GSG1L: variants seen among roughly 807,000 people sequenced by gnomAD.
GSG1L encodes the protein GSG1 like.
In GSG1L, 24 loss-of-function variants were observed where a neutral mutation model predicts 42.1. The observed-to-expected ratio is 0.57, with a 90% CI of 0.41 to 0.80. The LOEUF (loss-of-function observed/expected upper bound fraction) is 0.80, where lower values mean the gene tolerates loss of function less well. Among genes scored for constraint, GSG1L ranks in the 30% least tolerant of loss-of-function variants. GSG1L has a pLI of 0.00. For missense variants in GSG1L, 445 were observed against 472.2 expected (o/e 0.94, Z 0.53); for synonymous variants, 215 against 203.5 (o/e 1.06, Z -0.48).
In GSG1L at chr16:27,789,693, T is replaced by TGGATGGATGGAC. The variant is rs1370196643; in HGVS notation, c.*1676_*1677insGTCCATCCATCC. On this transcript the variant is annotated 3_prime_UTR_variant, in exon 7 of 7. Coordinates refer to ENST00000447459, the MANE Select transcript of GSG1L (RefSeq NM_001109763.2). ...GCATAGACAATGAATGGATAGATGATGGATGGATGGATGGATGGATGGATG... is the reference window on the plus strand; with the variant it reads ...GCATAGACAATGAATGGATAGATGATGGATGGATGGACGGATGGATGGATGGATGGATGGATG... 1.5e-5 allele frequency: 2 copies of TGGATGGATGGAC among 135,554 alleles called. No homozygotes were observed. The highest frequency in any genetic ancestry group is 3.2e-5 in the Non-Finnish European group (2 of 62,946). The allele number at this position is 135,554 out of a possible 1,614,324, so 8.4% of individuals were successfully genotyped here. A position where few individuals can be genotyped will look rare whatever the true frequency, so the allele number is the denominator to read the frequency against.
chr16:28,022,116 G>A (rs577193909), intron 1 of GSG1L, among the ~76,000 whole-genome samples: 2 of 152,244 alleles, frequency 1.3e-5, no homozygotes, highest in Non-Finnish European at 2.9e-5. Flanking sequence ...ATTATAAAGT[G>A]AGTCAAGGAA....
chr16:27,874,441 C>CTTTTTTTTTTTTTTTTTTT lies in GSG1L; in HGVS notation c.550+10026_550+10044dup, dbSNP rs71140916. 6.4e-5 allele frequency among the ~76,000 whole-genome samples: 6 copies of CTTTTTTTTTTTTTTTTTTT among 94,424 alleles called. 1 individual carries two copies. Among genetic ancestry groups the CTTTTTTTTTTTTTTTTTTT allele is most frequent in the African/African-American group, 1.9e-4 (5 of 26,948 alleles). 61.9% of individuals were successfully genotyped at this position (94,424 alleles called of 152,430 possible). A position where few individuals can be genotyped will look rare whatever the true frequency, so the allele number is the denominator to read the frequency against. On this transcript the variant is annotated intron_variant, in intron 3 of 6. Coordinates refer to ENST00000447459, the MANE Select transcript of GSG1L (RefSeq NM_001109763.2). ...TCTGGACACTGAAGCACAGGAGAGC[C>CTTTTTTTTTTTTTTTTTTT]TTTTTTTTTTTTTTTTTTTTTTTTT...
At chr16:28,048,598 C>A (rs971617436) in intron 1 of GSG1L, among the ~76,000 whole-genome samples, 1 of 152,088 alleles carries the variant, frequency 6.6e-6, no homozygotes, top group Non-Finnish European at 1.5e-5. Context: ...CTAAATTATT[C>A]TTGGATCAAT....
intron 1 of GSG1L, among the ~76,000 whole-genome samples, chr16:27,969,916 G>A (rs983266751): frequency 4.6e-5 from 7 of 152,140 alleles, no homozygotes; most frequent in Non-Finnish European, 8.8e-5. Flanking sequence ...AGTGCCATGC[G>A]GTATCTCACT....
chr16:27,932,703 C>T lies in GSG1L; in HGVS notation c.397+30453G>A, dbSNP rs541429385. On this transcript the variant is annotated intron_variant, in intron 2 of 6. Transcript: ENST00000447459. ...ACAAATCCAAACCATATCACCCATC[C>T]TACTAACTTTGGGCCTGAACATGTG... Among the ~76,000 whole-genome samples the T allele has an allele frequency of 1.2e-4, 18 of 152,200 alleles. No homozygotes were observed. The South Asian group carries it at 2.9e-3, about 25-fold the overall frequency.
chr16:28,047,655 T>C (rs1460611085), intron 1 of GSG1L, among the ~76,000 whole-genome samples: 1 of 151,988 alleles, frequency 6.6e-6, no homozygotes, highest in Admixed American at 6.5e-5. Context: ...ATAGCAATAT[T>C]AAAATATGAA....
intron 2 of GSG1L, among the ~76,000 whole-genome samples, chr16:27,961,459 T>G (rs2085071307): frequency 6.6e-6 from 1 of 152,184 alleles, no homozygotes; most frequent in South Asian, 2.1e-4. Flanking sequence ...AGCGCAGGCC[T>G]GGATTTCACC....
intron 1 of GSG1L, among the ~76,000 whole-genome samples, chr16:28,056,047 G>C (rs79178255): frequency 0.01 from 1,573 of 152,232 alleles, 31 homozygotes; most frequent in African/African-American, 0.035. Flanking sequence ...GCACGGAGTA[G>C]AGAGCCCCGG....
intron 1 of GSG1L, among the ~76,000 whole-genome samples, chr16:28,057,507 GT>G (rs2086292737): frequency 6.6e-6 from 1 of 152,196 alleles, no homozygotes; most frequent in African/African-American, 2.4e-5. Context: ...CATCTGCCAA[GT>G]TTTCAAGAAA....
chr16:27,796,321 G>C (rs1489561569), intron 6 of GSG1L, among the ~76,000 whole-genome samples: 1 of 151,728 alleles, frequency 6.6e-6, no homozygotes, highest in African/African-American at 2.4e-5. Context: ...AAATGAATCA[G>C]GGATGGCGCT....
At chr16:27,949,091 A>AT (rs1246614508) in intron 2 of GSG1L, among the ~76,000 whole-genome samples, 1 of 150,904 alleles carries the variant, frequency 6.6e-6, no homozygotes, top group African/African-American at 2.4e-5. Context: ...CTAATTTTTT[A>AT]TTTTTTTAGA....
At chr16:27,871,983 T>A (rs1010177884) in intron 3 of GSG1L, among the ~76,000 whole-genome samples, 10 of 152,224 alleles carry the variant, frequency 6.6e-5, no homozygotes, top group Non-Finnish European at 1.5e-4. Flanking sequence ...TAAAAATCAT[T>A]GAATTATATG....
intron 2 of GSG1L, among the ~76,000 whole-genome samples, chr16:27,948,294 C>T (rs542320428): frequency 2.6e-5 from 4 of 152,350 alleles, no homozygotes; most frequent in Admixed American, 2.6e-4. Flanking sequence ...AGCAGTACAA[C>T]CTCTTCAAGT....
chr16:28,016,324 G>A (rs549385521), intron 1 of GSG1L, among the ~76,000 whole-genome samples: 16 of 152,274 alleles, frequency 1.1e-4, no homozygotes, highest in Admixed American at 6.5e-4. Flanking sequence ...AAAAATGATC[G>A]TGATTAGAAG....
At chr16:27,940,077 A>G (rs1159454768) in intron 2 of GSG1L, among the ~76,000 whole-genome samples, 1 of 152,170 alleles carries the variant, frequency 6.6e-6, no homozygotes, top group Non-Finnish European at 1.5e-5. Flanking sequence ...GAAGACATTT[A>G]TGCAGCCAAA....
chr16:27,809,876 C>A (rs2083011572), intron 5 of GSG1L, among the ~76,000 whole-genome samples: 1 of 152,196 alleles, frequency 6.6e-6, no homozygotes, highest in Admixed American at 6.5e-5. Flanking sequence ...TATCTCTGTT[C>A]CCTGACTCTT....
At chr16:27,859,916 G>T (rs1410805861) in intron 3 of GSG1L, among the ~76,000 whole-genome samples, 1 of 151,608 alleles carries the variant, frequency 6.6e-6, no homozygotes, top group Non-Finnish European at 1.5e-5. Context: ...TCTTGGCCTC[G>T]AGCAGCTCTC....
At chr16:27,942,813 G>A (rs1303737008) in intron 2 of GSG1L, among the ~76,000 whole-genome samples, 2 of 152,182 alleles carry the variant, frequency 1.3e-5, no homozygotes, top group African/African-American at 2.4e-5. Context: ...GCCCACTAGT[G>A]GGGGTGTAAA....
chr16:27,809,111 G>A (rs1040655921), intron 5 of GSG1L, among the ~76,000 whole-genome samples: 7 of 152,176 alleles, frequency 4.6e-5, no homozygotes, highest in Admixed American at 3.3e-4. Context: ...AACAACTCCA[G>A]GCTAGGCATG....
Sources: gnomAD v4.1 joint callset for allele counts (sites outside exome capture counted in the v4.1 genomes callset) on GRCh38, gnomAD v4.1.1 for gene constraint, MANE v1.5 for transcripts, NCBI Gene and HGNC (gene_info 2026-07-23, HGNC 2026-07-21) for gene names.